Variants in NALF1 observed in about 807,000 individuals in gnomAD.
The protein encoded by NALF1 is NALCN channel auxiliary factor 1.
NALF1 carries 3 observed loss-of-function variants against 48.4 expected under a neutral mutation model. That is an observed-to-expected ratio of 0.06 (90% CI 0.03 to 0.16). NALF1 has a LOEUF of 0.16. NALF1 is among the 10% of genes least tolerant of loss of function. The probability of loss-of-function intolerance (pLI) is 1.00; values close to 1 mark genes in which losing one functional copy is unlikely to be tolerated. For missense variants in NALF1, 526 were observed against 571.5 expected (o/e 0.92, Z 0.81); for synonymous variants, 262 against 245.7 (o/e 1.07, Z -0.62).
intron 1 of NALF1, among the ~76,000 whole-genome samples, chr13:107,647,280 C>T (rs985402441): frequency 2.0e-5 from 3 of 152,002 alleles, no homozygotes; most frequent in African/African-American, 7.2e-5. Flanking sequence ...AATCCTGTCT[C>T]TTCCCTCACT....
At chr13:107,716,849 C>T (rs1875839483) in intron 1 of NALF1, among the ~76,000 whole-genome samples, 1 of 149,054 alleles carries the variant, frequency 6.7e-6, no homozygotes, top group Admixed American at 6.8e-5. Context: ...TGAAGAGAAA[C>T]ACATCTTTAC....
chr13:107,398,699 C>T (rs188531921), intron 1 of NALF1, among the ~76,000 whole-genome samples: 7 of 152,188 alleles, frequency 4.6e-5, no homozygotes, highest in African/African-American at 1.4e-4. Context: ...ATCATTGATG[C>T]GTCTCTCAAC....
intron 1 of NALF1, among the ~76,000 whole-genome samples, chr13:107,257,795 TG>T (rs1053330806): frequency 6.6e-6 from 1 of 151,898 alleles, no homozygotes; most frequent in African/African-American, 2.4e-5. Flanking sequence ...AGGTAGGGGA[TG>T]GGGGGTGGTG....
intron 1 of NALF1, among the ~76,000 whole-genome samples, chr13:107,437,578 G>C (rs1884483623): frequency 6.6e-6 from 1 of 152,104 alleles, no homozygotes; most frequent in Non-Finnish European, 1.5e-5. Context: ...AGCAGCTACG[G>C]ACATACAACA....
intron 1 of NALF1, among the ~76,000 whole-genome samples, chr13:107,631,552 C>T (rs537337420): frequency 1.3e-5 from 2 of 151,996 alleles, no homozygotes; most frequent in South Asian, 4.2e-4. Flanking sequence ...ACTAAATATC[C>T]AGAATTCAGA....
chr13:107,737,969 A>G (rs1876516551), intron 1 of NALF1, among the ~76,000 whole-genome samples: 1 of 152,194 alleles, frequency 6.6e-6, no homozygotes, highest in Non-Finnish European at 1.5e-5. Context: ...CAGAGTCATA[A>G]ATACAAGCAT....
chr13:107,415,981 A>G (rs1359777924), intron 1 of NALF1, among the ~76,000 whole-genome samples: 1 of 151,488 alleles, frequency 6.6e-6, no homozygotes, highest in African/African-American at 2.4e-5. Flanking sequence ...ACAGGTTTGA[A>G]CTACAGACCA....
At chr13:107,505,231 A>T (rs1424051562) in intron 1 of NALF1, among the ~76,000 whole-genome samples, 1 of 152,220 alleles carries the variant, frequency 6.6e-6, no homozygotes, top group African/African-American at 2.4e-5. Context: ...AAATTATTGC[A>T]GAGAGCATAG....
At chr13:107,290,188 A>AAC (rs1555330701) in intron 1 of NALF1, among the ~76,000 whole-genome samples, 1 of 126,900 alleles carries the variant, frequency 7.9e-6, no homozygotes, top group South Asian at 2.4e-4. Flanking sequence ...AAAAAAAAAC[A>AAC]AAAAAAAAAA....
At chr13:107,170,935 TAAAG>T (rs905170346) in intron 2 of NALF1, 149 bp from the exon 3 acceptor site, 16 of 691,864 alleles carry the variant, frequency 2.3e-5, no homozygotes, top group East Asian at 8.1e-5. Context: ...TGCAATTGGA[TAAAG>T]AGTCACCCAT....
At chr13:107,212,088 G>A (rs1430572883) in intron 1 of NALF1, among the ~76,000 whole-genome samples, 33 of 152,194 alleles carry the variant, frequency 2.2e-4, no homozygotes, top group Non-Finnish European at 4.4e-5. Context: ...GGAGTTTGCA[G>A]ATGAACCTAA....
intron 1 of NALF1, among the ~76,000 whole-genome samples, chr13:107,752,503 T>C (rs187511995): frequency 2.1e-3 from 321 of 152,214 alleles, no homozygotes; most frequent in Non-Finnish European, 3.0e-3. Flanking sequence ...TGTGGGTGTG[T>C]GTGTAATGGA....
At chr13:107,366,522 A>G (rs1233511132) in intron 1 of NALF1, among the ~76,000 whole-genome samples, 1 of 152,184 alleles carries the variant, frequency 6.6e-6, no homozygotes, top group Non-Finnish European at 1.5e-5. Flanking sequence ...TGGAGGCAAG[A>G]GCTTCTTATG....
intron 1 of NALF1, among the ~76,000 whole-genome samples, chr13:107,338,931 G>C (rs1235346854): frequency 6.6e-6 from 1 of 152,066 alleles, no homozygotes; most frequent in Non-Finnish European, 1.5e-5. Context: ...AGGAGGTCGA[G>C]TCCATCCTGG....
intron 1 of NALF1, among the ~76,000 whole-genome samples, chr13:107,850,371 C>T (rs1880276169): frequency 6.6e-6 from 1 of 152,082 alleles, no homozygotes; most frequent in African/African-American, 2.4e-5. Context: ...GGGTTGTTGC[C>T]TGATATTAAA....
chr13:107,409,697 T>C (rs1231636204), intron 1 of NALF1, among the ~76,000 whole-genome samples: 1 of 152,198 alleles, frequency 6.6e-6, no homozygotes, highest in Non-Finnish European at 1.5e-5. Context: ...GGTGTTAATA[T>C]GATTTTCATT....
At chr13:107,518,518 C>T (rs1032221807) in intron 1 of NALF1, among the ~76,000 whole-genome samples, 2 of 152,076 alleles carry the variant, frequency 1.3e-5, no homozygotes, top group African/African-American at 4.8e-5. Context: ...TCCACCTACT[C>T]GACTGCTATT....
intron 1 of NALF1, among the ~76,000 whole-genome samples, chr13:107,407,175 C>T (rs1473546048): frequency 6.6e-6 from 1 of 151,918 alleles, no homozygotes; most frequent in Admixed American, 6.6e-5. Flanking sequence ...TAAAAGAGAA[C>T]ATTGGGGAAA....
At chr13:107,641,425 A>G (rs1448972491) in intron 1 of NALF1, among the ~76,000 whole-genome samples, 1 of 152,210 alleles carries the variant, frequency 6.6e-6, no homozygotes, top group Non-Finnish European at 1.5e-5. Flanking sequence ...TCCCAACCCA[A>G]AAAAAGATAA....
Sources: gnomAD v4.1 joint callset for allele counts (sites outside exome capture counted in the v4.1 genomes callset) on GRCh38, gnomAD v4.1.1 for gene constraint, MANE v1.5 for transcripts, NCBI Gene and HGNC (gene_info 2026-07-23, HGNC 2026-07-21) for gene names.